The following AAK1 variants were observed in gnomAD, a reference collection of about 807,000 sequenced individuals.
AAK1 encodes AP2-associated protein kinase 1.
A neutral mutation model predicts 116.0 loss-of-function variants in AAK1; 37 were observed. The observed-to-expected ratio is 0.32, with a 90% CI of 0.25 to 0.42. The LOEUF (loss-of-function observed/expected upper bound fraction) is 0.42, where lower values mean the gene tolerates loss of function less well. AAK1 is among the 10% of genes least tolerant of loss of function. The probability of loss-of-function intolerance (pLI) is 1.00; values close to 1 mark genes in which losing one functional copy is unlikely to be tolerated. For synonymous variants in AAK1, 458 were observed against 439.9 expected (o/e 1.04, Z -0.51); for missense variants, 919 against 1,170.6 (o/e 0.79, Z 3.14).
chr2:69,608,309 T>TGG (rs1673905855), intron 2 of AAK1, among the ~76,000 whole-genome samples: 1 of 151,998 alleles, frequency 6.6e-6, no homozygotes, highest in Admixed American at 6.6e-5. Flanking sequence ...GCAGAGGGAG[T>TGG]GGCACTGAAG....
chr2:69,530,116 A>G lies in AAK1; in HGVS notation c.763T>C (p.Leu255=). ...IWALGCLLYK[L]CYFTLPFGES... Reference sequence around the variant, plus strand: ...CCAAATGGCAAAGTGAAGTAGCATAATTTATACAACAAACATCCAAGAGCC... The same window carrying G: ...CCAAATGGCAAAGTGAAGTAGCATAGTTTATACAACAAACATCCAAGAGCC... The change falls in exon 8 of 22, where the codon TTA becomes CTA. Residue 255 remains leucine, a synonymous_variant. Transcript: ENST00000409085. 1 of 1,610,226 alleles carries G rather than the reference A, an allele frequency of 6.2e-7. No individual in the cohort carries two copies. The highest frequency in any genetic ancestry group is 8.5e-7 in the Non-Finnish European group (1 of 1,178,854).
Position 69,643,119 on chromosome 2 carries a change from G to C in AAK1, c.-79C>G. ...TTTTTTTTTTTTTTTTAAGAAAAGA[G>C]ATCCAAGGATTTCTTCTCAGATTTC... On this transcript the variant is annotated 5_prime_UTR_variant, in exon 2 of 22. The change creates a new upstream start codon in the 5' untranslated region. Coordinates refer to ENST00000409085, the MANE Select transcript of AAK1 (RefSeq NM_014911.5). 1 of 1,263,012 alleles carries C rather than the reference G, an allele frequency of 7.9e-7. No individual in the cohort carries two copies. Among genetic ancestry groups the C allele is most frequent in the South Asian group, 1.6e-5 (1 of 62,834 alleles). The allele number at this position is 1,263,012 out of a possible 1,614,324, so 78.2% of individuals were successfully genotyped here.
At chr2:69,514,447 C>T in intron 13 of AAK1, 24 bp downstream of exon 13, 1 of 1,513,708 alleles carries the variant, frequency 6.6e-7, no homozygotes, top group South Asian at 1.3e-5. Context: ...TGCTTTTGTG[C>T]TCTGAGCTCT....
intron 2 of AAK1, among the ~76,000 whole-genome samples, chr2:69,564,414 C>G (rs1442355409): frequency 6.7e-6 from 1 of 148,614 alleles, no homozygotes; most frequent in South Asian, 2.1e-4. Context: ...TGGAGAAAGG[C>G]TAGAAAAAAA....
chr2:69,589,932 G>A (rs975544255), intron 2 of AAK1, among the ~76,000 whole-genome samples: 8 of 151,854 alleles, frequency 5.3e-5, no homozygotes, highest in African/African-American at 1.7e-4. Flanking sequence ...AGAAAGCCAA[G>A]CAAGATAATA....
rs1674468038 is a variant in AAK1 at position 69,465,847 on chromosome 2, CAG to C, written c.*10020_*10021del. The C allele has an allele frequency of 7.7e-7, 1 of 1,290,778 alleles. No individual in the cohort carries two copies. The highest frequency in any genetic ancestry group is 1.5e-5 in the African/African-American group (1 of 65,810). 80.0% of individuals were successfully genotyped at this position (1,290,778 alleles called of 1,614,324 possible). A position where few individuals can be genotyped will look rare whatever the true frequency, so the allele number is the denominator to read the frequency against. ...CCAGCTGTGGAATACTGAGCTTGGACAGAGGTGTACACAGCTCTCTCACGGCC... is the reference window on the plus strand; with the variant it reads ...CCAGCTGTGGAATACTGAGCTTGGACAGGTGTACACAGCTCTCTCACGGCC... On this transcript the variant is annotated 3_prime_UTR_variant, in exon 22 of 22. Coordinates refer to ENST00000409085, the MANE Select transcript of AAK1 (RefSeq NM_014911.5).
intron 16 of AAK1, among the ~76,000 whole-genome samples, chr2:69,500,768 T>C (rs2104947246): frequency 7.4e-6 from 1 of 134,422 alleles, no homozygotes; most frequent in East Asian, 2.2e-4. Flanking sequence ...TATAAAGTAG[T>C]GGAAAGGCAG....
chr2:69,476,633 T>C (rs1351256112), intron 21 of AAK1, among the ~76,000 whole-genome samples: 2 of 152,238 alleles, frequency 1.3e-5, no homozygotes. Flanking sequence ...ATTTTGCTTT[T>C]GGCTTCATGG....
chr2:69,463,846 C>T lies in AAK1; in HGVS notation c.*12023G>A, dbSNP rs964228225. ...TTTATTTTTTGAAGGGACAGGGTCT[C>T]GCTGTGTTGCCAGAGTTGGTCTTGA... is the stretch of plus-strand genomic sequence containing the variant. On this transcript the variant is annotated 3_prime_UTR_variant, in exon 22 of 22. Transcript: ENST00000409085. 6 of 152,220 alleles carry T rather than the reference C, an allele frequency of 3.9e-5. No individual in the cohort carries two copies. The highest frequency in any genetic ancestry group is 1.9e-4 in the East Asian group (1 of 5,180). 9.4% of individuals were successfully genotyped at this position (152,220 alleles called of 1,614,324 possible).
chr2:69,527,258 T>C lies in AAK1; in HGVS notation c.933A>G (p.Ser311=), dbSNP rs1035138483. ...GGCACTCTTTCTTGAGTAGCTTAAA[T>C]GAGAAGTAGGACACCTGGTAAATAT... is the stretch of plus-strand genomic sequence containing the variant. ...RPDIYQVSYF[S]FKLLKKECPI... Residue 311 remains serine, a synonymous_variant, in exon 9 of 22, where the codon TCA becomes TCG. Coordinates refer to ENST00000409085, the MANE Select transcript of AAK1 (RefSeq NM_014911.5). The C allele has an allele frequency of 3.1e-6, 5 of 1,609,912 alleles. No homozygotes were observed. Among genetic ancestry groups the C allele is most frequent in the Non-Finnish European group, 4.2e-6 (5 of 1,177,944 alleles).
intron 2 of AAK1, among the ~76,000 whole-genome samples, chr2:69,618,502 C>T (rs1267869905): frequency 6.6e-6 from 1 of 152,140 alleles, no homozygotes; most frequent in East Asian, 1.9e-4. Flanking sequence ...AGTAGCTTAG[C>T]GCAGGAGGTC....
chr2:69,572,887 G>A (rs931359053), intron 2 of AAK1, among the ~76,000 whole-genome samples: 4 of 152,080 alleles, frequency 2.6e-5, no homozygotes, highest in Non-Finnish European at 5.9e-5. Flanking sequence ...CTGGGTAATA[G>A]GAAGAGAAAC....
intron 2 of AAK1, among the ~76,000 whole-genome samples, chr2:69,641,011 G>A (rs1675698270): frequency 6.6e-6 from 1 of 152,196 alleles, no homozygotes; most frequent in Admixed American, 6.5e-5. Context: ...ATGAATAAAT[G>A]CAGAGCTACA....
intron 2 of AAK1, among the ~76,000 whole-genome samples, chr2:69,611,389 C>T (rs949694895): frequency 1.3e-5 from 2 of 152,192 alleles, no homozygotes; most frequent in Non-Finnish European, 2.9e-5. Context: ...GCTTTTGGGC[C>T]TTCGGCCTCA....
chr2:69,490,836 C>A (rs963515488), intron 17 of AAK1, among the ~76,000 whole-genome samples: 5 of 151,920 alleles, frequency 3.3e-5, no homozygotes, highest in Non-Finnish European at 7.4e-5. Flanking sequence ...CATTTTACTA[C>A]AATTTAAAAG....
In AAK1 at chr2:69,505,719, G is replaced by A. The variant is rs190030949; in HGVS notation, c.2165-46C>T. 1.9e-5 allele frequency: 29 copies of A among 1,491,834 alleles called. 1 individual carries two copies. In the East Asian group the frequency reaches 3.4e-4, roughly 18 times the overall value. 92.4% of individuals were successfully genotyped at this position (1,491,834 alleles called of 1,614,324 possible). ...TCAGTTCATTCTAGCAGAATCTTGC[G>A]AGGCACACACACATGGCAGAGGTAA... is the stretch of plus-strand genomic sequence containing the variant. On this transcript the variant is annotated intron_variant, in intron 15 of 21. Transcript: ENST00000409085.
At chr2:69,607,877 T>G (rs939556227) in intron 2 of AAK1, among the ~76,000 whole-genome samples, 3 of 151,952 alleles carry the variant, frequency 2.0e-5, no homozygotes, top group African/African-American at 7.3e-5. Context: ...TCAGGTGGAG[T>G]TGGTCAAAAG....
At chr2:69,493,158 C>CAAAAAA (rs574490585) in intron 17 of AAK1, among the ~76,000 whole-genome samples, 1,145 of 37,474 alleles carry the variant, frequency 0.031, 179 homozygotes, top group African/African-American at 0.048. Flanking sequence ...GACTCCGTCT[C>CAAAAAA]AAAAAAAAAA....
chr2:69,578,190 G>A (rs991897298), intron 2 of AAK1, among the ~76,000 whole-genome samples: 36 of 152,198 alleles, frequency 2.4e-4, no homozygotes, highest in Admixed American at 6.5e-5. Context: ...ATCCCGATAG[G>A]GTTACATTAG....
Sources: allele counts gnomAD v4.1 joint callset (sites outside exome capture counted in the v4.1 genomes callset), GRCh38; gene constraint gnomAD v4.1.1; transcripts MANE v1.5; gene names NCBI Gene and HGNC (gene_info 2026-07-23, HGNC 2026-07-21).